Variants in NDUFAF5 observed in about 807,000 individuals in gnomAD.
The protein encoded by NDUFAF5 is arginine-hydroxylase NDUFAF5, mitochondrial.
Under a neutral mutation model 48.9 loss-of-function variants are expected in NDUFAF5, and 34 were observed. The ratio of observed to expected loss-of-function variants is 0.70; its 90% CI spans 0.53 to 0.93. The LOEUF is 0.93. Ranked by LOEUF, NDUFAF5 falls within the 40% of genes least tolerant of loss-of-function variation. The pLI is 0.00. For missense variants in NDUFAF5, 428 were observed against 427.5 expected (o/e 1.00, Z -0.01); for synonymous variants, 153 against 150.6 (o/e 1.02, Z -0.12).
intron 5 of NDUFAF5, among the ~76,000 whole-genome samples, chr20:13,795,760 A>T (rs1030189633): frequency 6.6e-6 from 1 of 152,316 alleles, no homozygotes; most frequent in East Asian, 1.9e-4. Context: ...TTGAGGCTGC[A>T]GTGAGCCATG....
chr20:13,818,333 C>T lies in NDUFAF5; in HGVS notation c.*1123C>T. ...GTAGGAGAAAAAGAAATTATTGTTC[C>T]CTTCAGTTTGAAAAATCATCGATAT... On this transcript the variant is annotated 3_prime_UTR_variant, in exon 11 of 11. Coordinates refer to ENST00000378106, the MANE Select transcript of NDUFAF5 (RefSeq NM_024120.5). The T allele has an allele frequency of 2.5e-6, 1 of 405,878 alleles. No homozygotes were observed. Among genetic ancestry groups the T allele is most frequent in the South Asian group, 1.8e-5 (1 of 55,926 alleles). 25.1% of individuals were successfully genotyped at this position (405,878 alleles called of 1,614,324 possible). A position where few individuals can be genotyped will look rare whatever the true frequency, so the allele number is the denominator to read the frequency against.
At chr20:13,787,947 CAT>C (rs1002783501) in intron 2 of NDUFAF5, among the ~76,000 whole-genome samples, 60 of 151,712 alleles carry the variant, frequency 4.0e-4, no homozygotes, top group African/African-American at 1.4e-3. Context: ...TGTAGCATAA[CAT>C]AGTGTATTTA....
At chr20:13,795,691 T>C (rs1317674359) in intron 5 of NDUFAF5, among the ~76,000 whole-genome samples, 3 of 152,148 alleles carry the variant, frequency 2.0e-5, no homozygotes, top group Non-Finnish European at 4.4e-5. Context: ...AGGTGGCGCA[T>C]GCCTGTAGTC....
intron 1 of NDUFAF5, 81 bp downstream of exon 1, chr20:13,785,371 G>C (rs1175266230): frequency 7.9e-7 from 1 of 1,260,224 alleles, no homozygotes; most frequent in East Asian, 2.5e-5. Context: ...GCTAGGCCCC[G>C]AGCTCACCCC....
intron 7 of NDUFAF5, 92 bp from the exon 8 acceptor site, chr20:13,808,750 G>A (rs766954396): frequency 2.6e-6 from 2 of 778,832 alleles, no homozygotes; most frequent in Non-Finnish European, 4.4e-6. Context: ...TAGCATGGGA[G>A]ATTGGTCTGG....
chr20:13,801,804 T>A, intron 7 of NDUFAF5, 121 bp downstream of exon 7: 1 of 838,134 alleles, frequency 1.2e-6, no homozygotes, highest in Non-Finnish European at 1.9e-6. Context: ...TCCCTTTTTT[T>A]TTCTCTTTTT....
chr20:13,811,988 A>G (rs1390711112), intron 8 of NDUFAF5, among the ~76,000 whole-genome samples: 1 of 152,172 alleles, frequency 6.6e-6, no homozygotes, highest in Non-Finnish European at 1.5e-5. Flanking sequence ...TTACTTACAG[A>G]TTTATAGTCT....
intron 3 of NDUFAF5, among the ~76,000 whole-genome samples, chr20:13,789,367 G>T (rs188580246): frequency 6.6e-6 from 1 of 152,096 alleles, no homozygotes; most frequent in Non-Finnish European, 1.5e-5. Context: ...GTTTCACCAT[G>T]TTGGCAAGGC....
chr20:13,788,430 G>T (rs1371602964), intron 2 of NDUFAF5, among the ~76,000 whole-genome samples, 159 bp from the exon 3 acceptor site: 1 of 152,176 alleles, frequency 6.6e-6, no homozygotes, highest in African/African-American at 2.4e-5. Flanking sequence ...TTGTACTGTA[G>T]GCTCTGGTAT....
chr20:13,786,943 C>A (rs1368764004), intron 1 of NDUFAF5, among the ~76,000 whole-genome samples: 1 of 152,174 alleles, frequency 6.6e-6, no homozygotes, highest in Admixed American at 6.5e-5. Context: ...CCCCAACTAA[C>A]TAATTTTTCA....
At chr20:13,804,035 C>G (rs1407755570) in intron 7 of NDUFAF5, among the ~76,000 whole-genome samples, 2 of 152,210 alleles carry the variant, frequency 1.3e-5, no homozygotes, top group Non-Finnish European at 2.9e-5. Context: ...ATCCGCCCAC[C>G]TCAGCCTCCC....
At chr20:13,794,623 G>T (rs1334733661) in intron 4 of NDUFAF5, among the ~76,000 whole-genome samples, 1 of 152,132 alleles carries the variant, frequency 6.6e-6, no homozygotes, top group African/African-American at 2.4e-5. Flanking sequence ...TTGGTATCCT[G>T]TTTATGTTGT....
intron 8 of NDUFAF5, among the ~76,000 whole-genome samples, chr20:13,815,237 C>G (rs1986326382): frequency 6.6e-6 from 1 of 152,136 alleles, no homozygotes; most frequent in Admixed American, 6.5e-5. Flanking sequence ...AATGTGAGAC[C>G]CAGTTTACCT....
intron 8 of NDUFAF5, 74 bp from the exon 9 acceptor site, chr20:13,816,389 G>A: frequency 1.0e-6 from 1 of 977,750 alleles, no homozygotes; most frequent in African/African-American, 1.6e-5. Flanking sequence ...AGATGAGACG[G>A]GATTAAGTCT....
At chr20:13,809,825 T>C (rs930931182) in intron 8 of NDUFAF5, among the ~76,000 whole-genome samples, 8 of 152,162 alleles carry the variant, frequency 5.3e-5, no homozygotes, top group Non-Finnish European at 8.8e-5. Context: ...CAGAGATGTT[T>C]AGGAGATAAA....
chr20:13,791,094 T>C (rs1197934183), intron 3 of NDUFAF5, among the ~76,000 whole-genome samples: 1 of 152,206 alleles, frequency 6.6e-6, no homozygotes, highest in Admixed American at 6.5e-5. Context: ...CTTTTGTGAC[T>C]GGAAAATTCA....
Position 13,785,298 on chromosome 20 carries a change from C to CGCGAGGCGGCGGGGCG in NDUFAF5, c.222+11_222+12insAGGCGGCGGGGCGGCG. On this transcript the variant is annotated intron_variant, in intron 1 of 10. Coordinates refer to ENST00000378106, the MANE Select transcript of NDUFAF5 (RefSeq NM_024120.5). ...GACTACCTGAAGGAGGAGGTGAGCC[C>CGCGAGGCGGCGGGGCG]GCGGGGCGGCGGGGCGGCGGGGCGG... The CGCGAGGCGGCGGGGCG allele has an allele frequency of 1.9e-6, 2 of 1,040,674 alleles. No individual in the cohort carries two copies. The highest frequency in any genetic ancestry group is 2.8e-6 in the Non-Finnish European group (2 of 725,830). 64.5% of individuals were successfully genotyped at this position (1,040,674 alleles called of 1,614,324 possible). A position where few individuals can be genotyped will look rare whatever the true frequency, so the allele number is the denominator to read the frequency against.
chr20:13,793,841 A>C (rs1202865795), intron 4 of NDUFAF5, among the ~76,000 whole-genome samples: 2 of 152,214 alleles, frequency 1.3e-5, no homozygotes, highest in Admixed American at 1.3e-4. Context: ...CTGAACAATG[A>C]CAAAGGTACT....
rs990040450 is a variant in NDUFAF5, at chr20:13,817,622, T to G, written c.*412T>G. The G allele has an allele frequency of 2.2e-5, 10 of 455,212 alleles. No individual in the cohort carries two copies. The highest frequency in any genetic ancestry group is 4.0e-5 in the Non-Finnish European group (9 of 227,674). The allele number at this position is 455,212 out of a possible 1,614,324, so 28.2% of individuals were successfully genotyped here. ...TGTGGTTTTAGAATTTAGAAGAGCA[T>G]GTATCTTTATTAAATCCCTCCTCAA... On this transcript the variant is annotated 3_prime_UTR_variant, in exon 11 of 11. Transcript: ENST00000378106.
Sources: allele counts gnomAD v4.1 joint callset (sites outside exome capture counted in the v4.1 genomes callset), GRCh38; gene constraint gnomAD v4.1.1; transcripts MANE v1.5; gene names NCBI Gene and HGNC (gene_info 2026-07-23, HGNC 2026-07-21).